AUTS2: variants seen among roughly 807,000 people sequenced by gnomAD.
AUTS2 encodes autism susceptibility gene 2 protein.
In AUTS2, 17 loss-of-function variants were observed where a neutral mutation model predicts 112.4. That is an observed-to-expected ratio of 0.15 (90% CI 0.10 to 0.23). AUTS2 has a LOEUF of 0.23. Among genes scored for constraint, AUTS2 ranks in the 10% least tolerant of loss-of-function variants. The pLI is 1.00. For missense variants in AUTS2, 1,510 were observed against 1,701.6 expected (o/e 0.89, Z 1.98); for synonymous variants, 751 against 702.7 (o/e 1.07, Z -1.09).
intron 5 of AUTS2, among the ~76,000 whole-genome samples, chr7:70,584,116 A>T (rs1726474161): frequency 6.6e-6 from 1 of 152,204 alleles, no homozygotes; most frequent in African/African-American, 2.4e-5. Context: ...AAGCTTGTTC[A>T]TTAGGAAACT....
intron 2 of AUTS2, among the ~76,000 whole-genome samples, chr7:70,091,319 C>T (rs1045404151): frequency 1.3e-5 from 2 of 151,986 alleles, no homozygotes; most frequent in Non-Finnish European, 2.9e-5. Context: ...GTTTCTTGTG[C>T]TTAGGGTTCT....
intron 2 of AUTS2, among the ~76,000 whole-genome samples, chr7:69,998,636 G>A (rs1329565471): frequency 2.0e-5 from 3 of 152,206 alleles, no homozygotes; most frequent in African/African-American, 7.2e-5. Context: ...ATTGTTGTAA[G>A]TAGTATTGAA....
At chr7:70,496,769 A>G (rs1585218113) in intron 5 of AUTS2, among the ~76,000 whole-genome samples, 1 of 78,616 alleles carries the variant, frequency 1.3e-5, no homozygotes, top group Non-Finnish European at 2.5e-5. Context: ...CACTCACACC[A>G]CGTACACAGT....
At chr7:70,744,142 A>G (rs1788292376) in intron 6 of AUTS2, among the ~76,000 whole-genome samples, 1 of 152,150 alleles carries the variant, frequency 6.6e-6, no homozygotes, top group Admixed American at 6.5e-5. Context: ...GGATGTTTGG[A>G]TTTGAAAACA....
At chr7:70,596,972 G>A (rs1219595994) in intron 5 of AUTS2, among the ~76,000 whole-genome samples, 1 of 152,146 alleles carries the variant, frequency 6.6e-6, no homozygotes, top group African/African-American at 2.4e-5. Context: ...TGGAATTACT[G>A]ACTGGTAATG....
chr7:69,950,500 T>C (rs989133746), intron 2 of AUTS2, among the ~76,000 whole-genome samples: 1 of 152,178 alleles, frequency 6.6e-6, no homozygotes, highest in African/African-American at 2.4e-5. Context: ...AAATAATATG[T>C]TGGGAGACAG....
chr7:70,360,273 A>C (rs1792200317), intron 4 of AUTS2, among the ~76,000 whole-genome samples: 1 of 152,170 alleles, frequency 6.6e-6, no homozygotes, highest in African/African-American at 2.4e-5. Context: ...GACTAGGTAC[A>C]TCCACCATGC....
chr7:69,720,344 A>G (rs895680462), intron 1 of AUTS2, among the ~76,000 whole-genome samples: 2 of 152,194 alleles, frequency 1.3e-5, no homozygotes, highest in African/African-American at 4.8e-5. Flanking sequence ...GTTAAATATA[A>G]TATTCTCAAG....
chr7:70,022,210 C>T (rs1276008427), intron 2 of AUTS2, among the ~76,000 whole-genome samples: 1 of 151,220 alleles, frequency 6.6e-6, no homozygotes, highest in Non-Finnish European at 1.5e-5. Context: ...TCATAGCTGC[C>T]CCAAATCCAA....
chr7:69,789,055 ATTAATGT>A (rs1480385166), intron 1 of AUTS2, among the ~76,000 whole-genome samples: 1 of 152,190 alleles, frequency 6.6e-6, no homozygotes, highest in Non-Finnish European at 1.5e-5. Flanking sequence ...TATTAAAGAA[ATTAATGT>A]TTAATGCCAT....
chr7:70,010,788 G>A (rs1189649182), intron 2 of AUTS2, among the ~76,000 whole-genome samples: 1 of 152,140 alleles, frequency 6.6e-6, no homozygotes, highest in Non-Finnish European at 1.5e-5. Flanking sequence ...ATATTCTCCA[G>A]TATCACCAAA....
intron 6 of AUTS2, chr7:70,729,355 G>A (rs1787227472): frequency 3.8e-6 from 1 of 263,098 alleles, no homozygotes; most frequent in Non-Finnish European, 8.0e-6. Flanking sequence ...TGTACCAGAT[G>A]CCCTGTTACT....
chr7:69,759,254 A>AT (rs368263173), intron 1 of AUTS2, among the ~76,000 whole-genome samples: 1,846 of 148,168 alleles, frequency 0.012, 26 homozygotes, highest in African/African-American at 0.03. Context: ...CAGGTTTTTG[A>AT]TTTTTTTTTT....
Position 70,254,193 on chromosome 7 carries a change from T to A in AUTS2, c.660+119622T>A, listed in dbSNP as rs568166499. On this transcript the variant is annotated intron_variant, in intron 4 of 18. Transcript: ENST00000342771. ...ATCTCCCATGGCATAAGGCTGGAAA[T>A]AGCCATGATCCTGCCAAACACGGAC... 2.6e-5 allele frequency among the ~76,000 whole-genome samples: 4 copies of A among 152,292 alleles called. No homozygotes were observed. In the South Asian group the frequency reaches 8.3e-4, roughly 32 times the overall value.
At chr7:70,097,038 G>A (rs1053726492) in intron 2 of AUTS2, among the ~76,000 whole-genome samples, 32 of 152,150 alleles carry the variant, frequency 2.1e-4, no homozygotes, top group African/African-American at 7.2e-4. Flanking sequence ...GAATTAGTAC[G>A]AATGCATTTT....
At chr7:69,733,114 A>C (rs1264409224) in intron 1 of AUTS2, among the ~76,000 whole-genome samples, 4 of 152,128 alleles carry the variant, frequency 2.6e-5, no homozygotes, top group African/African-American at 9.7e-5. Flanking sequence ...GGGGATATGG[A>C]TAATTGGCTA....
intron 2 of AUTS2, among the ~76,000 whole-genome samples, chr7:69,907,063 C>T (rs1331224165): frequency 1.3e-5 from 2 of 152,118 alleles, no homozygotes; most frequent in Non-Finnish European, 2.9e-5. Context: ...GCCATGTTCA[C>T]GCAACTGCAC....
intron 4 of AUTS2, among the ~76,000 whole-genome samples, chr7:70,274,963 A>G (rs1209183556): frequency 2.0e-5 from 3 of 152,244 alleles, no homozygotes; most frequent in Non-Finnish European, 2.9e-5. Context: ...AGCATTATTC[A>G]TAATAGCTAA....
chr7:70,621,082 T>C (rs1184285149), intron 5 of AUTS2, among the ~76,000 whole-genome samples: 10 of 152,078 alleles, frequency 6.6e-5, no homozygotes, highest in Non-Finnish European at 1.2e-4. Flanking sequence ...CAGCAGCTTA[T>C]TTAATTTGGA....
Sources: gnomAD v4.1 joint callset for allele counts (sites outside exome capture counted in the v4.1 genomes callset) on GRCh38, gnomAD v4.1.1 for gene constraint, MANE v1.5 for transcripts, NCBI Gene and HGNC (gene_info 2026-07-23, HGNC 2026-07-21) for gene names.